The following LRP1B variants were observed in gnomAD, a reference collection of about 807,000 sequenced individuals.
LRP1B encodes the protein low-density lipoprotein receptor-related protein 1B.
LRP1B carries 217 observed loss-of-function variants against 556.6 expected under a neutral mutation model. That is an observed-to-expected ratio of 0.39 (90% confidence interval 0.35 to 0.44). LRP1B has a LOEUF of 0.44. LRP1B is among the 20% of genes least tolerant of loss of function. LRP1B has a pLI of 1.00. For missense variants in LRP1B, 5,053 were observed against 5,620.8 expected (o/e 0.90, Z 3.23); for synonymous variants, 2,047 against 1,865.8 (o/e 1.10, Z -2.50).
At chr2:141,174,680 T>C (rs1680657793) in intron 7 of LRP1B, among the ~76,000 whole-genome samples, 1 of 152,082 alleles carries the variant, frequency 6.6e-6, no homozygotes, top group African/African-American at 2.4e-5. Context: ...TAGTTCCTCA[T>C]AGCAGTGTGA....
chr2:140,715,090 A>C lies in LRP1B; in HGVS notation c.6023+883T>G, dbSNP rs1257584366. Among the ~76,000 whole-genome samples the C allele has an allele frequency of 3.3e-5, 5 of 152,234 alleles. No individual in the cohort carries two copies. The South Asian group carries it at 6.2e-4, about 19-fold the overall frequency. ...AATAAGAAATATTTTAAAAATTAAGAGAAGACCAACAGAGATTGATTGTGA... is the reference window on the plus strand; with the variant it reads ...AATAAGAAATATTTTAAAAATTAAGCGAAGACCAACAGAGATTGATTGTGA... On this transcript the variant is annotated intron_variant, in intron 37 of 90. Coordinates refer to ENST00000389484, the MANE Select transcript of LRP1B (RefSeq NM_018557.3).
chr2:140,950,373 C>A lies in LRP1B; in HGVS notation c.2998G>T (p.Val1000Leu). ...DDDCGDGSDE[V>L]GCVHSCFDNQ... ...TCAAAGCAAGAGTGAACACAGCCCACCTCATCACTCCCGTCCCCACAGTCG... is the reference window on the plus strand; with the variant it reads ...TCAAAGCAAGAGTGAACACAGCCCAACTCATCACTCCCGTCCCCACAGTCG... Residue 1000 changes from valine (V) to leucine (L), a missense_variant, in exon 20 of 91, where the codon GTG (valine) becomes TTG (leucine). Around this residue, in one of 5 missense-constraint regions of LRP1B, gnomAD observed 3,619 missense variants for 3,931.9 expected, o/e 0.92. Coordinates refer to ENST00000389484, the MANE Select transcript of LRP1B (RefSeq NM_018557.3). The A allele has an allele frequency of 6.2e-7, 1 of 1,611,082 alleles. No individual in the cohort carries two copies.
Position 141,085,907 on chromosome 2 carries a change from TGAA to T in LRP1B, c.1014-23637_1014-23635del, listed in dbSNP as rs1348432167. On this transcript the variant is annotated intron_variant, in intron 7 of 90. Transcript: ENST00000389484. ...ACCATTCCTTGCAGACATTGACCTT[TGAA>T]GAATTCCAGGCTAGATAAAATGCCC... Among the ~76,000 whole-genome samples the T allele has an allele frequency of 6.6e-5, 10 of 152,346 alleles. 1 individual carries two copies. Among genetic ancestry groups the T allele is most frequent in the African/African-American group, 2.4e-4 (10 of 41,594 alleles).
chr2:141,096,513 C>G (rs1447022274), intron 7 of LRP1B, among the ~76,000 whole-genome samples: 1 of 151,690 alleles, frequency 6.6e-6, no homozygotes, highest in East Asian at 1.9e-4. Flanking sequence ...GCTTGAATTG[C>G]TAAATTATGT....
At chr2:141,670,071 A>G (rs1014672894) in intron 2 of LRP1B, among the ~76,000 whole-genome samples, 4 of 152,198 alleles carry the variant, frequency 2.6e-5, no homozygotes, top group African/African-American at 9.6e-5. Context: ...TTTGTTGAGC[A>G]GCATTAATAA....
intron 1 of LRP1B, among the ~76,000 whole-genome samples, chr2:142,000,086 T>C (rs535544906): frequency 6.6e-6 from 1 of 151,590 alleles, no homozygotes; most frequent in African/African-American, 2.4e-5. Flanking sequence ...ACAATAAACA[T>C]ACAAACATAT....
chr2:141,056,843 T>C (rs779216424), intron 9 of LRP1B, among the ~76,000 whole-genome samples: 47 of 152,022 alleles, frequency 3.1e-4, no homozygotes, highest in Middle Eastern at 3.4e-3. Flanking sequence ...CTTGATATTT[T>C]CACTTTAATT....
At chr2:141,159,557 G>C (rs1038246024) in intron 7 of LRP1B, among the ~76,000 whole-genome samples, 4 of 152,028 alleles carry the variant, frequency 2.6e-5, no homozygotes, top group Admixed American at 6.6e-5. Flanking sequence ...TGAGACACAT[G>C]AGAGATCCGA....
At chr2:140,269,482 A>C (rs1682361159) in intron 86 of LRP1B, 1 of 415,360 alleles carries the variant, frequency 2.4e-6, no homozygotes, top group African/African-American at 2.1e-5. Context: ...ATTCAAACGA[A>C]AAGGTTCCCA....
At chr2:141,097,429 A>C (rs1700350524) in intron 7 of LRP1B, among the ~76,000 whole-genome samples, 1 of 152,166 alleles carries the variant, frequency 6.6e-6, no homozygotes, top group Admixed American at 6.5e-5. Context: ...AAAGAGGGGG[A>C]GTAAGAAAAA....
chr2:140,945,374 A>T (rs972068777), intron 20 of LRP1B, among the ~76,000 whole-genome samples: 8 of 152,228 alleles, frequency 5.3e-5, no homozygotes, highest in Non-Finnish European at 7.4e-5. Flanking sequence ...TCTAAAATTC[A>T]TATAGAAAAT....
chr2:140,805,643 C>T (rs1273037520), intron 32 of LRP1B, among the ~76,000 whole-genome samples: 1 of 151,956 alleles, frequency 6.6e-6, no homozygotes, highest in Non-Finnish European at 1.5e-5. Flanking sequence ...TTGCTTTAAC[C>T]AATATAATCA....
chr2:140,878,492 G>T (rs990824877), intron 25 of LRP1B, among the ~76,000 whole-genome samples: 13 of 152,030 alleles, frequency 8.6e-5, no homozygotes, highest in African/African-American at 3.1e-4. Flanking sequence ...ATAGTAAAAT[G>T]CCTTTCTTAA....
intron 1 of LRP1B, among the ~76,000 whole-genome samples, chr2:141,841,053 A>G (rs1697455425): frequency 6.6e-6 from 1 of 152,182 alleles, no homozygotes; most frequent in Admixed American, 6.5e-5. Flanking sequence ...TTTCTGGAAC[A>G]AAGTAGCTTA....
chr2:140,883,165 A>G (rs1306734625), intron 25 of LRP1B, among the ~76,000 whole-genome samples: 3 of 152,284 alleles, frequency 2.0e-5, no homozygotes, highest in East Asian at 3.9e-4. Context: ...ACGGGAACCC[A>G]TATGTTCTGG....
intron 1 of LRP1B, among the ~76,000 whole-genome samples, chr2:142,081,324 G>GT (rs1035422885): frequency 1.3e-5 from 2 of 151,408 alleles, no homozygotes; most frequent in Admixed American, 6.6e-5. Flanking sequence ...AAATGAGGGA[G>GT]TTTTTTTTTC....
intron 7 of LRP1B, among the ~76,000 whole-genome samples, chr2:141,120,279 G>A (rs1240288320): frequency 6.6e-6 from 1 of 151,904 alleles, no homozygotes; most frequent in Non-Finnish European, 1.5e-5. Context: ...ATTTTTTGTT[G>A]TTGAGAATTT....
intron 1 of LRP1B, among the ~76,000 whole-genome samples, chr2:142,011,957 G>A (rs754452822): frequency 3.3e-5 from 5 of 151,850 alleles, no homozygotes; most frequent in Admixed American, 6.6e-5. Context: ...AGAATTAATG[G>A]AACCCAAAAA....
At chr2:140,911,004 G>T (rs1435302963) in intron 21 of LRP1B, among the ~76,000 whole-genome samples, 1 of 151,750 alleles carries the variant, frequency 6.6e-6, no homozygotes. Context: ...ATTAGGGAAA[G>T]GAAAGTAACA....
Sources: allele counts gnomAD v4.1 joint callset (sites outside exome capture counted in the v4.1 genomes callset), GRCh38; gene constraint gnomAD v4.1.1; regional missense constraint gnomAD v4.1.1; transcripts MANE v1.5; gene names NCBI Gene and HGNC (gene_info 2026-07-23, HGNC 2026-07-21).